Variants in ARHGEF10L observed in about 807,000 individuals in gnomAD.
The protein encoded by ARHGEF10L is rho guanine nucleotide exchange factor 10-like protein.
A neutral mutation model predicts 141.2 loss-of-function variants in ARHGEF10L; 69 were observed. The ratio of observed to expected loss-of-function variants is 0.49; its 90% CI spans 0.40 to 0.60. The LOEUF is 0.60. ARHGEF10L is among the 20% of genes least tolerant of loss of function. The pLI is 0.00. For synonymous variants in ARHGEF10L, 711 were observed against 718.5 expected (o/e 0.99, Z 0.17); for missense variants, 1,482 against 1,734.3 (o/e 0.85, Z 2.58).
At chr1:17,549,101 C>T (rs557409732) in intron 1 of ARHGEF10L, among the ~76,000 whole-genome samples, 16 of 152,066 alleles carry the variant, frequency 1.1e-4, no homozygotes, top group Admixed American at 9.2e-4. Flanking sequence ...TGGCTCACTG[C>T]ATCCTCTGCA....
chr1:17,634,938 G>A lies in ARHGEF10L; in HGVS notation c.1849G>A (p.Gly617Ser), dbSNP rs775282120. 2.5e-6 allele frequency: 4 copies of A among 1,614,094 alleles called. No homozygotes were observed. Among genetic ancestry groups the A allele is most frequent in the Non-Finnish European group, 3.4e-6 (4 of 1,179,968 alleles). ...QVQVVEVGQD[G>S]GTYDKDNVLI... ...GCAGGTGGTGGAGGTGGGCCAGGAC[G>A]GTGGCACCTATGACAAGGACAATGT... is the stretch of plus-strand genomic sequence containing the variant. The change falls in exon 18 of 29, where the codon GGT (glycine) becomes AGT (serine). Residue 617 changes from glycine (G) to serine (S), a missense_variant. Gly to Ser is a moderately conservative substitution (Grantham distance 56). Transcript: ENST00000361221.
chr1:17,671,138 C>T (rs1368273016), intron 26 of ARHGEF10L, among the ~76,000 whole-genome samples: 3 of 152,250 alleles, frequency 2.0e-5, no homozygotes, highest in African/African-American at 7.2e-5. Flanking sequence ...GCCTCTCAGC[C>T]AGTTAGGGGT....
At chr1:17,612,785 G>A (rs746845919) in intron 7 of ARHGEF10L, among the ~76,000 whole-genome samples, 3 of 152,208 alleles carry the variant, frequency 2.0e-5, no homozygotes, top group Middle Eastern at 3.4e-3. Flanking sequence ...CTCCCCTCCC[G>A]CCTCTCCGCC....
rs1336572872 is a variant in ARHGEF10L at position 17,611,571 on chromosome 1, T to TCCATCCAC, written c.610-1486_610-1479dup. The stretch of plus-strand genomic sequence containing the variant: ...ATCCATCCATCCATCCATCCATCCA[T>TCCATCCAC]CCATCCACTCATCCATTCACCCATC... On this transcript the variant is annotated intron_variant, in intron 7 of 28. Transcript: ENST00000361221. Among the ~76,000 whole-genome samples the TCCATCCAC allele has an allele frequency of 2.0e-5, 3 of 151,738 alleles. No homozygotes were observed. In the East Asian group the frequency reaches 5.8e-4, roughly 30 times the overall value.
intron 4 of ARHGEF10L, among the ~76,000 whole-genome samples, chr1:17,600,896 A>G (rs1396098947): frequency 1.3e-5 from 2 of 152,054 alleles, no homozygotes; most frequent in African/African-American, 4.8e-5. Context: ...CCAAAAGTGC[A>G]AAAATTAGCT....
At position 17,656,732 on chromosome 1, in the gene ARHGEF10L, A is replaced by C; in HGVS notation, c.2860+24A>C. The C allele has an allele frequency of 6.2e-7, 1 of 1,601,178 alleles. No individual in the cohort carries two copies. Among genetic ancestry groups the C allele is most frequent in the South Asian group, 1.1e-5 (1 of 89,842 alleles). ...CGGTGAGGACTGGGGGGAATGGGGG[A>C]AGGGGGGCAGTCCTGGATGCCAGCT... On this transcript the variant is annotated intron_variant, in intron 25 of 28. Transcript: ENST00000361221. This position sits in a 1 kb window ranked among gnomAD's most constrained non-coding sequence, Gnocchi z 4.9.
chr1:17,688,384 C>A (rs571062751), intron 27 of ARHGEF10L, among the ~76,000 whole-genome samples: 1 of 152,236 alleles, frequency 6.6e-6, no homozygotes, highest in Non-Finnish European at 1.5e-5. Context: ...CTCAGCCTTT[C>A]GTTGCCATCT....
intron 26 of ARHGEF10L, among the ~76,000 whole-genome samples, chr1:17,675,982 G>A (rs2063661332): frequency 1.4e-5 from 2 of 141,352 alleles, no homozygotes; most frequent in East Asian, 2.3e-4. Context: ...AAGTGTGGGT[G>A]CAGGTGTGTG....
At position 17,614,257 on chromosome 1, in the gene ARHGEF10L, C is replaced by A. The variant is rs16829434; in HGVS notation, c.726+1083C>A. Among the ~76,000 whole-genome samples the A allele has an allele frequency of 8.6e-3, 1,304 of 152,276 alleles. 17 individuals carry two copies. The highest frequency in any genetic ancestry group is 0.03 in the African/African-American group (1,231 of 41,540). ...AGTTACGAGACCTTTCACAGATACC[C>A]GCGAGAGGCCTGCAACCCAGGGTAG... On this transcript the variant is annotated intron_variant, in intron 8 of 28. Coordinates refer to ENST00000361221, the MANE Select transcript of ARHGEF10L (RefSeq NM_018125.4).
intron 1 of ARHGEF10L, among the ~76,000 whole-genome samples, chr1:17,542,652 C>T (rs146612805): frequency 2.0e-5 from 3 of 152,234 alleles, no homozygotes; most frequent in African/African-American, 7.2e-5. Flanking sequence ...GATATATATG[C>T]CATGATAAGA....
At position 17,637,912 on chromosome 1, in the gene ARHGEF10L, G is replaced by A. The variant is rs776331349; in HGVS notation, c.1952G>A (p.Arg651His). Residue 651 changes from arginine (R) to histidine (H), a missense_variant, in exon 19 of 29, where the codon CGC (arginine) becomes CAC (histidine). Transcript: ENST00000361221. ...GATAAGGTGTACCTCGGCCCCCCACGCCTCTTCCAGGAGCTGCAGGACCTG... is the reference window on the plus strand; with the variant it reads ...GATAAGGTGTACCTCGGCCCCCCACACCTCTTCCAGGAGCTGCAGGACCTG... ...AQNKVYLGPP[R>H]LFQELQDLQK... 22 of 1,596,098 alleles carry A rather than the reference G, an allele frequency of 1.4e-5. No individual in the cohort carries two copies. The highest frequency in any genetic ancestry group is 1.6e-4 in the Middle Eastern group (1 of 6,062).
intron 1 of ARHGEF10L, among the ~76,000 whole-genome samples, chr1:17,541,367 T>C (rs1005941437): frequency 6.6e-6 from 1 of 152,236 alleles, no homozygotes; most frequent in African/African-American, 2.4e-5. Flanking sequence ...CTGTCCTTGA[T>C]CACAGCTCAG....
At chr1:17,641,353 C>T (rs538352670) in intron 21 of ARHGEF10L, among the ~76,000 whole-genome samples, 5 of 152,114 alleles carry the variant, frequency 3.3e-5, no homozygotes, top group South Asian at 2.1e-4. Context: ...TATGGAAGGC[C>T]GGGCGCAGTG....
At chr1:17,551,752 A>G (rs972986150) in intron 1 of ARHGEF10L, among the ~76,000 whole-genome samples, 6 of 152,112 alleles carry the variant, frequency 3.9e-5, no homozygotes, top group Non-Finnish European at 8.8e-5. Flanking sequence ...TTCCAAAAAG[A>G]TTTCCGAGTC....
chr1:17,585,158 G>A (rs532496694), intron 2 of ARHGEF10L, among the ~76,000 whole-genome samples: 14 of 152,228 alleles, frequency 9.2e-5, no homozygotes, highest in African/African-American at 3.1e-4. Context: ...TTAAACTTAT[G>A]AGCTACCAGG....
chr1:17,639,740 A>ACATGT lies in ARHGEF10L; in HGVS notation c.2172-462_2172-461insCATGT. On this transcript the variant is annotated intron_variant, in intron 20 of 28. Transcript: ENST00000361221. The surrounding 1 kb of genome is among the most constrained non-coding windows in gnomAD (Gnocchi z 4.3). Reference sequence around the variant, plus strand: ...ACCTGATTCATTCATTTCTTCATTCATTCCTGTGTCCACTCAGCAAACATT... The same window carrying ACATGT: ...ACCTGATTCATTCATTTCTTCATTCACATGTTTCCTGTGTCCACTCAGCAAACATT... The ACATGT allele has an allele frequency of 5.0e-6, 4 of 796,932 alleles. No homozygotes were observed. The South Asian group carries it at 5.6e-5, about 11-fold the overall frequency. The allele number at this position is 796,932 out of a possible 1,614,324, so 49.4% of individuals were successfully genotyped here.
intron 7 of ARHGEF10L, among the ~76,000 whole-genome samples, chr1:17,610,507 G>A (rs887503704): frequency 5.9e-5 from 9 of 152,216 alleles, no homozygotes; most frequent in African/African-American, 1.4e-4. Context: ...CAGGCTCCTA[G>A]GGAGACAGGA....
intron 13 of ARHGEF10L, 87 bp downstream of exon 13, chr1:17,624,590 G>A (rs1428658941): frequency 5.6e-6 from 6 of 1,065,856 alleles, no homozygotes; most frequent in Admixed American, 1.8e-5. Context: ...CCAGCTTTGG[G>A]TATGACATCA....
chr1:17,640,895 A>C (rs970320661), intron 21 of ARHGEF10L, among the ~76,000 whole-genome samples: 39 of 152,200 alleles, frequency 2.6e-4, no homozygotes, highest in African/African-American at 8.9e-4. Flanking sequence ...CACTTTTCTG[A>C]GTATTTTTTG....
Sources: allele counts gnomAD v4.1 joint callset (sites outside exome capture counted in the v4.1 genomes callset), GRCh38; gene constraint gnomAD v4.1.1; non-coding constraint Gnocchi (gnomAD v3.1); transcripts MANE v1.5; gene names NCBI Gene and HGNC (gene_info 2026-07-23, HGNC 2026-07-21).